TOX: variants seen among roughly 807,000 people sequenced by gnomAD.
TOX encodes the protein thymocyte selection-associated high mobility group box protein TOX.
In TOX, 11 loss-of-function variants were observed where a neutral mutation model predicts 53.7. The ratio of observed to expected loss-of-function variants is 0.20; its 90% CI spans 0.13 to 0.34. The LOEUF (loss-of-function observed/expected upper bound fraction) is 0.34, where lower values mean the gene tolerates loss of function less well. Ranked by LOEUF, TOX falls within the 10% of genes least tolerant of loss-of-function variation. The pLI, the probability that TOX is intolerant of heterozygous loss-of-function variation, is 1.00. For missense variants in TOX, 570 were observed against 664.6 expected (o/e 0.86, Z 1.56); for synonymous variants, 225 against 245.3 (o/e 0.92, Z 0.77).
intron 5 of TOX, among the ~76,000 whole-genome samples, chr8:58,831,771 T>C (rs1810457491): frequency 6.6e-6 from 1 of 152,200 alleles, no homozygotes; most frequent in Admixed American, 6.5e-5. Flanking sequence ...ATCTAATCCA[T>C]GGTCTCAGGT....
intron 3 of TOX, among the ~76,000 whole-genome samples, chr8:58,892,622 C>T (rs1420502354): frequency 6.6e-6 from 1 of 152,178 alleles, no homozygotes; most frequent in Non-Finnish European, 1.5e-5. Context: ...ACTGAGTTAA[C>T]TGAGAGATAT....
intron 3 of TOX, among the ~76,000 whole-genome samples, chr8:58,854,432 CCT>C (rs1349773597): frequency 2.0e-5 from 3 of 152,160 alleles, no homozygotes; most frequent in Admixed American, 6.5e-5. Context: ...TCTCTCCTCC[CCT>C]GTCTTGCAAT....
rs1042925838 is a variant in TOX, at chr8:58,897,690, T to C, written c.411+41612A>G. ...AGATGGCTGTAGAAGTGGGATTTCA[T>C]TTAAATGGAAGTCTTTTTTTTTTAA... On this transcript the variant is annotated intron_variant, in intron 3 of 8. Coordinates refer to ENST00000361421, the MANE Select transcript of TOX (RefSeq NM_014729.3). Among the ~76,000 whole-genome samples, 3 of 139,976 alleles carry C rather than the reference T, an allele frequency of 2.1e-5. No homozygotes were observed. The South Asian group carries it at 6.8e-4, about 31-fold the overall frequency. 91.8% of individuals were successfully genotyped at this position (139,976 alleles called of 152,430 possible). A position where few individuals can be genotyped will look rare whatever the true frequency, so the allele number is the denominator to read the frequency against.
chr8:58,954,005 A>G (rs764644133), intron 2 of TOX, among the ~76,000 whole-genome samples: 2 of 152,234 alleles, frequency 1.3e-5, no homozygotes, highest in East Asian at 3.8e-4. Context: ...TAAATCTTAA[A>G]ACATAATTCT....
intron 1 of TOX, among the ~76,000 whole-genome samples, chr8:59,108,923 A>G (rs1342925210): frequency 6.6e-6 from 1 of 152,214 alleles, no homozygotes; most frequent in African/African-American, 2.4e-5. Flanking sequence ...ACAATTTTCC[A>G]GCAAAATGGA....
chr8:59,042,247 A>G (rs115878731), intron 1 of TOX, among the ~76,000 whole-genome samples: 3,331 of 152,318 alleles, frequency 0.022, 87 homozygotes, highest in South Asian at 0.089. Flanking sequence ...GTCAAGAATC[A>G]GAAGTTCTTC....
chr8:58,987,064 G>A (rs1257403766), intron 1 of TOX, among the ~76,000 whole-genome samples: 3 of 152,198 alleles, frequency 2.0e-5, no homozygotes. Flanking sequence ...GAGAAGTTGT[G>A]GACAGGCTGC....
At chr8:59,084,153 G>A (rs1421640264) in intron 1 of TOX, among the ~76,000 whole-genome samples, 1 of 152,040 alleles carries the variant, frequency 6.6e-6, no homozygotes, top group African/African-American at 2.4e-5. Context: ...CATTCACTGG[G>A]TTTATAAAAA....
intron 1 of TOX, among the ~76,000 whole-genome samples, chr8:58,998,460 G>T (rs1337416871): frequency 8.3e-6 from 1 of 120,022 alleles, no homozygotes; most frequent in Non-Finnish European, 1.7e-5. Context: ...CTGCACTCCA[G>T]CCTAGGTGAT....
chr8:58,858,123 A>G (rs1279990011), intron 3 of TOX, among the ~76,000 whole-genome samples: 3 of 152,176 alleles, frequency 2.0e-5, no homozygotes, highest in Admixed American at 2.0e-4. Flanking sequence ...TGCTCATCTC[A>G]GGTTATTATT....
At chr8:59,048,536 G>A (rs558959343) in intron 1 of TOX, among the ~76,000 whole-genome samples, 4 of 152,214 alleles carry the variant, frequency 2.6e-5, no homozygotes, top group Admixed American at 2.6e-4. Context: ...CAAGTTAATA[G>A]ACCTTCCCCC....
intron 3 of TOX, among the ~76,000 whole-genome samples, chr8:58,888,490 C>T (rs13280926): frequency 0.64 from 96,751 of 151,778 alleles, 31,224 homozygotes; most frequent in African/African-American, 0.74. Flanking sequence ...TATAGGTTAG[C>T]TTAGAAATAC....
At chr8:59,005,969 G>A (rs191497557) in intron 1 of TOX, among the ~76,000 whole-genome samples, 2 of 152,288 alleles carry the variant, frequency 1.3e-5, no homozygotes, top group Admixed American at 1.3e-4. Context: ...ATCATTTTAC[G>A]CACGGCCCTT....
At chr8:58,836,662 G>A (rs1353089786) in intron 5 of TOX, among the ~76,000 whole-genome samples, 3 of 152,154 alleles carry the variant, frequency 2.0e-5, no homozygotes, top group African/African-American at 7.2e-5. Context: ...AGAGAATGGA[G>A]GGACCTGGAA....
intron 5 of TOX, among the ~76,000 whole-genome samples, chr8:58,828,357 A>G (rs1810398255): frequency 6.6e-6 from 1 of 152,218 alleles, no homozygotes; most frequent in Admixed American, 6.5e-5. Flanking sequence ...TGACTTCTGT[A>G]TTTGGCATTT....
At chr8:58,887,597 A>G (rs1811491034) in intron 3 of TOX, among the ~76,000 whole-genome samples, 1 of 151,912 alleles carries the variant, frequency 6.6e-6, no homozygotes, top group Non-Finnish European at 1.5e-5. Context: ...AATTGTGTTT[A>G]TTTTATATAG....
At chr8:58,955,769 C>T (rs1332020111) in intron 2 of TOX, among the ~76,000 whole-genome samples, 1 of 143,060 alleles carries the variant, frequency 7.0e-6, no homozygotes, top group Non-Finnish European at 1.5e-5. Flanking sequence ...GAGTCTCCTT[C>T]TGTCACCTTG....
intron 1 of TOX, among the ~76,000 whole-genome samples, chr8:59,095,846 G>C (rs1804703816): frequency 6.6e-6 from 1 of 152,196 alleles, no homozygotes; most frequent in South Asian, 2.1e-4. Context: ...GTGGTTTCCG[G>C]AATTCAGCAG....
At chr8:59,002,135 T>G (rs1813699947) in intron 1 of TOX, among the ~76,000 whole-genome samples, 1 of 151,224 alleles carries the variant, frequency 6.6e-6, no homozygotes, top group Admixed American at 6.6e-5. Context: ...GCCACCATGC[T>G]GGCTAATTTT....
Sources: allele counts gnomAD v4.1 joint callset (sites outside exome capture counted in the v4.1 genomes callset), GRCh38; gene constraint gnomAD v4.1.1; transcripts MANE v1.5; gene names NCBI Gene and HGNC (gene_info 2026-07-23, HGNC 2026-07-21).